The following GPM6A variants were observed in gnomAD, a reference collection of about 807,000 sequenced individuals.
The protein encoded by GPM6A is glycoprotein M6A.
A neutral mutation model predicts 32.1 loss-of-function variants in GPM6A; 7 were observed. That is an observed-to-expected ratio of 0.22 (90% CI 0.12 to 0.41). GPM6A has a LOEUF of 0.41. Ranked by LOEUF, GPM6A falls within the 10% of genes least tolerant of loss-of-function variation. The probability of loss-of-function intolerance (pLI) is 1.00; values close to 1 mark genes in which losing one functional copy is unlikely to be tolerated. For missense variants in GPM6A, 235 were observed against 347.2 expected (o/e 0.68, Z 2.57); for synonymous variants, 130 against 123.4 (o/e 1.05, Z -0.35).
At chr4:175,846,561 T>C (rs1157811037) in intron 1 of GPM6A, among the ~76,000 whole-genome samples, 1 of 152,150 alleles carries the variant, frequency 6.6e-6, no homozygotes, top group Non-Finnish European at 1.5e-5. Flanking sequence ...GATTATAATT[T>C]CACTTTCAAA....
intron 1 of GPM6A, among the ~76,000 whole-genome samples, chr4:175,781,737 C>A (rs1244936664): frequency 6.6e-6 from 1 of 152,092 alleles, no homozygotes; most frequent in African/African-American, 2.4e-5. Flanking sequence ...GGCTGTGGAA[C>A]TTTGGGTGTG....
intron 1 of GPM6A, among the ~76,000 whole-genome samples, chr4:175,904,083 AT>A (rs906851042): frequency 6.6e-6 from 1 of 152,120 alleles, no homozygotes; most frequent in Non-Finnish European, 1.5e-5. Context: ...GTAGCACACT[AT>A]TTTTTTCAAT....
intron 1 of GPM6A, among the ~76,000 whole-genome samples, chr4:175,869,572 C>G (rs1736840944): frequency 6.6e-6 from 1 of 152,000 alleles, no homozygotes; most frequent in Admixed American, 6.5e-5. Context: ...GCCTGACCAA[C>G]ATGGTTAAAC....
intron 1 of GPM6A, among the ~76,000 whole-genome samples, chr4:175,995,449 C>T (rs888528908): frequency 1.3e-5 from 2 of 149,508 alleles, no homozygotes; most frequent in African/African-American, 2.5e-5. Context: ...AGACAGGGTA[C>T]GCCTGTATAT....
chr4:175,903,181 G>A (rs778303774), intron 1 of GPM6A, among the ~76,000 whole-genome samples: 2 of 151,860 alleles, frequency 1.3e-5, no homozygotes, highest in African/African-American at 4.8e-5. Context: ...AAAAGTTTTC[G>A]AATAATGATG....
intron 1 of GPM6A, among the ~76,000 whole-genome samples, chr4:175,797,335 C>T (rs567744864): frequency 1.7e-3 from 260 of 152,164 alleles, no homozygotes; most frequent in African/African-American, 6.0e-3. Context: ...TTGGGGCTTT[C>T]ATAATCTTGT....
In GPM6A at chr4:175,848,425, C is replaced by A. The variant is rs563692248; in HGVS notation, c.-22-36176G>T. 4.5e-4 allele frequency among the ~76,000 whole-genome samples: 69 copies of A among 152,180 alleles called. 1 individual carries two copies. Among genetic ancestry groups the A allele is most frequent in the Middle Eastern group, 3.4e-3 (1 of 294 alleles). ...CCTAGAGTTTCCTTTTTATTTTATA[C>A]CTACATTTGAAAAATATCCAACTGT... On this transcript the variant is annotated intron_variant, in intron 1 of 7. Transcript: ENST00000280187.
intron 1 of GPM6A, among the ~76,000 whole-genome samples, chr4:175,786,316 T>C (rs1387672051): frequency 6.8e-6 from 1 of 148,098 alleles, no homozygotes; most frequent in Non-Finnish European, 1.5e-5. Flanking sequence ...TTTTGAAAAA[T>C]GAATAGCAGT....
intron 2 of GPM6A, among the ~76,000 whole-genome samples, chr4:175,699,168 C>A (rs1410123118): frequency 6.6e-6 from 1 of 152,104 alleles, no homozygotes; most frequent in African/African-American, 2.4e-5. Flanking sequence ...TGAGATAAAT[C>A]TAGAAAATGT....
At chr4:175,839,201 A>G (rs1313227387) in intron 1 of GPM6A, among the ~76,000 whole-genome samples, 4 of 152,180 alleles carry the variant, frequency 2.6e-5, no homozygotes, top group African/African-American at 9.6e-5. Flanking sequence ...AACACTTCAA[A>G]TTATACACTA....
chr4:175,782,627 C>T (rs915638810), intron 1 of GPM6A, among the ~76,000 whole-genome samples: 4 of 151,936 alleles, frequency 2.6e-5, no homozygotes, highest in Non-Finnish European at 5.9e-5. Context: ...TTATTACATC[C>T]GATTAACTAG....
intron 1 of GPM6A, chr4:175,891,614 C>T (rs1241988992): frequency 1.3e-5 from 2 of 152,142 alleles, no homozygotes; most frequent in Non-Finnish European, 2.9e-5. Flanking sequence ...GAGGCATTAA[C>T]CAGAATAAGT....
At chr4:175,936,099 A>G (rs1172117556) in intron 1 of GPM6A, among the ~76,000 whole-genome samples, 4 of 151,650 alleles carry the variant, frequency 2.6e-5, no homozygotes, top group Non-Finnish European at 4.4e-5. Flanking sequence ...AGGTCAGGTG[A>G]TCGAGACCAT....
In GPM6A at chr4:175,637,340, AT is replaced by A. The variant is rs1740766681; in HGVS notation, c.685-2284del. On this transcript the variant is annotated intron_variant, in intron 6 of 6. Coordinates refer to ENST00000393658, the MANE Select transcript of GPM6A (RefSeq NM_201591.3). ...ATAAAATATATATTATATATTATAT[AT>A]TATATAAAAATATATAATATATAAC... Among the ~76,000 whole-genome samples the A allele has an allele frequency of 7.6e-5, 6 of 78,654 alleles. 1 individual carries two copies. Among genetic ancestry groups the A allele is most frequent in the Non-Finnish European group, 1.3e-4 (6 of 44,644 alleles). 51.6% of individuals were successfully genotyped at this position (78,654 alleles called of 152,430 possible).
At chr4:175,818,504 C>T (rs544012336) in intron 1 of GPM6A, among the ~76,000 whole-genome samples, 2 of 152,208 alleles carry the variant, frequency 1.3e-5, no homozygotes, top group African/African-American at 4.8e-5. Flanking sequence ...TGGCCTGCGG[C>T]CTATAAGCTC....
chr4:175,885,798 G>C (rs1737433750), intron 1 of GPM6A, among the ~76,000 whole-genome samples: 1 of 152,072 alleles, frequency 6.6e-6, no homozygotes, highest in East Asian at 1.9e-4. Flanking sequence ...GTGTTCAAAT[G>C]GTGAAAACTA....
intron 1 of GPM6A, among the ~76,000 whole-genome samples, chr4:175,909,774 G>C (rs1449302750): frequency 6.6e-6 from 1 of 152,144 alleles, no homozygotes; most frequent in Non-Finnish European, 1.5e-5. Flanking sequence ...AGGGCAAACA[G>C]AGAGAGATAA....
intron 1 of GPM6A, among the ~76,000 whole-genome samples, chr4:175,844,618 A>G (rs533809222): frequency 2.0e-5 from 3 of 152,276 alleles, no homozygotes; most frequent in East Asian, 3.9e-4. Context: ...ATTCTTTAAA[A>G]TCCAATATTA....
At chr4:175,937,462 T>C (rs1440109992) in intron 1 of GPM6A, among the ~76,000 whole-genome samples, 1 of 152,166 alleles carries the variant, frequency 6.6e-6, no homozygotes, top group African/African-American at 2.4e-5. Context: ...ACAAGCTGCA[T>C]AGTGTGACTC....
Sources: allele counts gnomAD v4.1 joint callset (sites outside exome capture counted in the v4.1 genomes callset), GRCh38; gene constraint gnomAD v4.1.1; transcripts MANE v1.5; gene names NCBI Gene and HGNC (gene_info 2026-07-23, HGNC 2026-07-21).